NKAIN2: variants seen among roughly 807,000 people sequenced by gnomAD.
The protein encoded by NKAIN2 is sodium/potassium transporting ATPase interacting 2.
Under a neutral mutation model 32.6 loss-of-function variants are expected in NKAIN2, and 14 were observed. The ratio of observed to expected loss-of-function variants is 0.43; its 90% confidence interval spans 0.28 to 0.67. The LOEUF (loss-of-function observed/expected upper bound fraction) is 0.67, where lower values mean the gene tolerates loss of function less well. Ranked by LOEUF, NKAIN2 falls within the 30% of genes least tolerant of loss-of-function variation. The pLI, the probability that NKAIN2 is intolerant of heterozygous loss-of-function variation, is 0.17. For missense variants in NKAIN2, 198 were observed against 258.3 expected (o/e 0.77, Z 1.60); for synonymous variants, 80 against 87.2 (o/e 0.92, Z 0.46).
At chr6:124,296,448 T>TA (rs1583008111) in intron 2 of NKAIN2, among the ~76,000 whole-genome samples, 2 of 152,124 alleles carry the variant, frequency 1.3e-5, no homozygotes, top group African/African-American at 4.8e-5. Context: ...TATATGCAAA[T>TA]AAATGTCCAA....
intron 3 of NKAIN2, among the ~76,000 whole-genome samples, chr6:124,631,849 A>G (rs116357748): frequency 2.6e-3 from 389 of 152,260 alleles, no homozygotes; most frequent in African/African-American, 9.0e-3. Flanking sequence ...TACCCCGGAC[A>G]CAGAGTCAGG....
chr6:124,574,678 A>G (rs1453327584), intron 3 of NKAIN2, among the ~76,000 whole-genome samples: 2 of 152,130 alleles, frequency 1.3e-5, no homozygotes, highest in Non-Finnish European at 2.9e-5. Flanking sequence ...AAAATGGCAA[A>G]TCTATGGACT....
chr6:124,806,876 T>C (rs1188607938), intron 5 of NKAIN2, among the ~76,000 whole-genome samples: 1 of 151,772 alleles, frequency 6.6e-6, no homozygotes, highest in East Asian at 1.9e-4. Flanking sequence ...CCAACAAAGA[T>C]CAAAAGAGAC....
intron 3 of NKAIN2, among the ~76,000 whole-genome samples, chr6:124,417,213 G>T (rs489331): frequency 1.3e-5 from 2 of 152,070 alleles, no homozygotes; most frequent in South Asian, 2.1e-4. Context: ...AGCAATTACG[G>T]ACACATCTGA....
chr6:124,687,743 T>TATAC (rs1554251784), intron 4 of NKAIN2, among the ~76,000 whole-genome samples: 2,130 of 104,336 alleles, frequency 0.02, 84 homozygotes, highest in African/African-American at 0.055. Flanking sequence ...ATATGATATA[T>TATAC]ACACACACAC....
chr6:123,876,467 C>A (rs1582697140), intron 1 of NKAIN2, among the ~76,000 whole-genome samples: 2 of 152,036 alleles, frequency 1.3e-5, no homozygotes, highest in South Asian at 4.1e-4. Context: ...CACACACACA[C>A]AAGATTTTAT....
At chr6:124,076,976 C>T (rs541314581) in intron 1 of NKAIN2, among the ~76,000 whole-genome samples, 1 of 152,126 alleles carries the variant, frequency 6.6e-6, no homozygotes, top group African/African-American at 2.4e-5. Context: ...GAAGTAGATG[C>T]TGAATAGGCA....
intron 1 of NKAIN2, among the ~76,000 whole-genome samples, chr6:124,157,041 T>G (rs1203285206): frequency 3.1e-5 from 4 of 130,708 alleles, no homozygotes; most frequent in African/African-American, 1.2e-4. Flanking sequence ...AGGCAGAGGT[T>G]GCAGTGAGCC....
At chr6:124,444,486 A>C (rs1404388685) in intron 3 of NKAIN2, among the ~76,000 whole-genome samples, 3 of 152,038 alleles carry the variant, frequency 2.0e-5, no homozygotes, top group African/African-American at 7.2e-5. Context: ...ATATGCCTTT[A>C]AACATAAGAC....
chr6:124,640,626 G>A (rs200841736), intron 3 of NKAIN2, among the ~76,000 whole-genome samples: 1 of 152,124 alleles, frequency 6.6e-6, no homozygotes, highest in Non-Finnish European at 1.5e-5. Context: ...TTTCATTATC[G>A]TAACCAGCTG....
chr6:123,992,444 G>A (rs1015273338), intron 1 of NKAIN2, among the ~76,000 whole-genome samples: 6 of 152,062 alleles, frequency 3.9e-5, no homozygotes, highest in Admixed American at 1.3e-4. Flanking sequence ...ACAAACAAAC[G>A]AAACGGAATA....
intron 2 of NKAIN2, among the ~76,000 whole-genome samples, chr6:124,315,339 C>G (rs1220038345): frequency 6.6e-6 from 1 of 151,944 alleles, no homozygotes; most frequent in African/African-American, 2.4e-5. Flanking sequence ...TTACAAAAAG[C>G]AAATGAGCAG....
intron 3 of NKAIN2, among the ~76,000 whole-genome samples, chr6:124,414,008 A>G (rs1162982039): frequency 6.9e-6 from 1 of 145,040 alleles, no homozygotes; most frequent in Non-Finnish European, 1.5e-5. Context: ...GAACCTGAAT[A>G]CTTTGTTCGT....
intron 1 of NKAIN2, among the ~76,000 whole-genome samples, chr6:123,835,212 A>G (rs1191848621): frequency 6.6e-6 from 1 of 152,180 alleles, no homozygotes; most frequent in African/African-American, 2.4e-5. Flanking sequence ...AGTTGCCATT[A>G]CTATTGAATT....
At chr6:124,218,298 TA>T (rs1261109740) in intron 1 of NKAIN2, among the ~76,000 whole-genome samples, 1 of 152,004 alleles carries the variant, frequency 6.6e-6, no homozygotes. Context: ...TTAATGAAAA[TA>T]AAAAATAAAA....
intron 1 of NKAIN2, among the ~76,000 whole-genome samples, chr6:123,900,778 G>A (rs893351895): frequency 2.0e-5 from 3 of 151,862 alleles, no homozygotes; most frequent in African/African-American, 4.8e-5. Context: ...CATTTCTTCA[G>A]CTTTTCTCTT....
At chr6:124,703,976 GAACT>G (rs1487671223) in intron 4 of NKAIN2, among the ~76,000 whole-genome samples, 2 of 151,782 alleles carry the variant, frequency 1.3e-5, no homozygotes, top group South Asian at 2.1e-4. Context: ...TAGAAATAAA[GAACT>G]AACTAAATTT....
At chr6:124,512,016 G>A (rs975056364) in intron 3 of NKAIN2, among the ~76,000 whole-genome samples, 3 of 152,094 alleles carry the variant, frequency 2.0e-5, no homozygotes, top group African/African-American at 7.2e-5. Flanking sequence ...ATTTCCTTTT[G>A]CTTCCCTCAC....
intron 1 of NKAIN2, among the ~76,000 whole-genome samples, chr6:124,192,903 CCG>C (rs1790100343): frequency 6.6e-6 from 1 of 151,982 alleles, no homozygotes; most frequent in African/African-American, 2.4e-5. Flanking sequence ...GCGCCCGCCA[CCG>C]CGCGCAGCTA....
Sources: allele counts gnomAD v4.1 joint callset (sites outside exome capture counted in the v4.1 genomes callset), GRCh38; gene constraint gnomAD v4.1.1; transcripts MANE v1.5; gene names NCBI Gene and HGNC (gene_info 2026-07-23, HGNC 2026-07-21).